The following PODXL variants were observed in gnomAD, a reference collection of about 807,000 sequenced individuals.
PODXL encodes podocalyxin like.
PODXL carries 20 observed loss-of-function variants against 48.9 expected under a neutral mutation model. The observed-to-expected ratio is 0.41, with a 90% confidence interval of 0.29 to 0.59. The LOEUF is 0.59. Among genes scored for constraint, PODXL ranks in the 20% least tolerant of loss-of-function variants. The pLI, the probability that PODXL is intolerant of heterozygous loss-of-function variation, is 0.31. For synonymous variants in PODXL, 295 were observed against 287.4 expected (o/e 1.03, Z -0.27); for missense variants, 606 against 675.1 (o/e 0.90, Z 1.13).
At chr7:131,517,697 T>C (rs893522472) in intron 1 of PODXL, among the ~76,000 whole-genome samples, 129 of 109,018 alleles carry the variant, frequency 1.2e-3, no homozygotes, top group Non-Finnish European at 2.3e-3. Context: ...TGTAGCTGTG[T>C]CACTGTGATC....
At chr7:131,543,279 C>T (rs1050663991) in intron 1 of PODXL, among the ~76,000 whole-genome samples, 2 of 152,046 alleles carry the variant, frequency 1.3e-5, no homozygotes. Flanking sequence ...GTCCATACCA[C>T]CATGCTTGAC....
At chr7:131,508,443 A>T (rs957788498) in intron 5 of PODXL, among the ~76,000 whole-genome samples, 3 of 152,108 alleles carry the variant, frequency 2.0e-5, no homozygotes, top group Admixed American at 6.6e-5. Context: ...TTTCTGTAAA[A>T]ACAGGGTCTT....
At chr7:131,522,724 T>C (rs1310717509) in intron 1 of PODXL, among the ~76,000 whole-genome samples, 1 of 152,254 alleles carries the variant, frequency 6.6e-6, no homozygotes, top group Non-Finnish European at 1.5e-5. Context: ...GACTCACCTA[T>C]TCTAGAGAGT....
At chr7:131,539,734 T>G (rs1480095035) in intron 1 of PODXL, among the ~76,000 whole-genome samples, 3 of 152,214 alleles carry the variant, frequency 2.0e-5, no homozygotes, top group African/African-American at 7.2e-5. Flanking sequence ...GCCGACCCCC[T>G]GCTGTGAGCA....
chr7:131,519,322 A>G (rs1273157253), intron 1 of PODXL, among the ~76,000 whole-genome samples: 1 of 152,120 alleles, frequency 6.6e-6, no homozygotes, highest in African/African-American at 2.4e-5. Flanking sequence ...AGAGACCTTT[A>G]GGTATGGGTG....
At chr7:131,521,633 G>C (rs1360236397) in intron 1 of PODXL, among the ~76,000 whole-genome samples, 1 of 152,154 alleles carries the variant, frequency 6.6e-6, no homozygotes, top group Non-Finnish European at 1.5e-5. Context: ...ACACCCAGCT[G>C]ATTAAAGACA....
intron 1 of PODXL, among the ~76,000 whole-genome samples, chr7:131,520,792 T>G (rs1798079504): frequency 6.6e-6 from 1 of 152,166 alleles, no homozygotes; most frequent in Admixed American, 6.5e-5. Context: ...TTTGTGTTCA[T>G]CAAAAGAAAC....
At chr7:131,550,663 T>A (rs1798653977) in intron 1 of PODXL, among the ~76,000 whole-genome samples, 2 of 151,736 alleles carry the variant, frequency 1.3e-5, no homozygotes, top group South Asian at 4.2e-4. Context: ...AATAAAAAAA[T>A]ATATAAAGGG....
chr7:131,504,371 G>A lies in PODXL; in HGVS notation c.1617C>T (p.Ile539=), dbSNP rs1208006576. ...CCTTGGTCAGGTTGTCCAGAGGGACGATCCAGCTGTCCCCCAGCTCCCCGT... is the reference window on the plus strand; with the variant it reads ...CCTTGGTCAGGTTGTCCAGAGGGACAATCCAGCTGTCCCCCAGCTCCCCGT... ...SLNGELGDSW[I]VPLDNLTKDD... is the part of the protein sequence containing the mutation. Residue 539 remains isoleucine, a synonymous_variant, in exon 9 of 9, where the codon ATC becomes ATT. Coordinates refer to ENST00000378555, the MANE Select transcript of PODXL (RefSeq NM_001018111.3). The A allele has an allele frequency of 7.4e-6, 12 of 1,614,040 alleles. No individual in the cohort carries two copies. The highest frequency in any genetic ancestry group is 2.2e-5 in the South Asian group (2 of 91,092).
At chr7:131,554,677 T>C (rs1798717001) in intron 1 of PODXL, among the ~76,000 whole-genome samples, 1 of 152,152 alleles carries the variant, frequency 6.6e-6, no homozygotes, top group Non-Finnish European at 1.5e-5. Flanking sequence ...TGTCCCACAG[T>C]GCCTCCCACT....
chr7:131,546,084 C>T (rs1336700164), intron 1 of PODXL, among the ~76,000 whole-genome samples: 1 of 152,206 alleles, frequency 6.6e-6, no homozygotes, highest in Non-Finnish European at 1.5e-5. Flanking sequence ...CATGCACCTC[C>T]CCCATGCCCT....
At chr7:131,550,141 G>GAAAT (rs1443675155) in intron 1 of PODXL, among the ~76,000 whole-genome samples, 1 of 152,228 alleles carries the variant, frequency 6.6e-6, no homozygotes, top group East Asian at 1.9e-4. Context: ...AGAGGCTGTG[G>GAAAT]AAATGACAGG....
At chr7:131,540,571 T>C (rs912289591) in intron 1 of PODXL, among the ~76,000 whole-genome samples, 2 of 152,080 alleles carry the variant, frequency 1.3e-5, no homozygotes, top group African/African-American at 4.8e-5. Context: ...ACCTGCAACC[T>C]GTCCCCAGGC....
At chr7:131,520,768 G>A (rs747453425) in intron 1 of PODXL, among the ~76,000 whole-genome samples, 5 of 152,172 alleles carry the variant, frequency 3.3e-5, no homozygotes, top group Non-Finnish European at 5.9e-5. Context: ...TACATTTAGC[G>A]TCAAAGTTAA....
At position 131,508,933 on chromosome 7, in the gene PODXL, G is replaced by C; in HGVS notation, c.1101+18C>G. 1 of 1,592,238 alleles carries C rather than the reference G, an allele frequency of 6.3e-7. No homozygotes were observed. The highest frequency in any genetic ancestry group is 2.2e-5 in the East Asian group (1 of 44,710). ...CTGTGAGCCTGCACCTGGCGGCTCA[G>C]ATCAGCAAGCTACTCACACAGAGGG... On this transcript the variant is annotated intron_variant, in intron 5 of 8. Coordinates refer to ENST00000378555, the MANE Select transcript of PODXL (RefSeq NM_001018111.3).
intron 8 of PODXL, 57 bp downstream of exon 8, chr7:131,505,811 A>T (rs1562901806): frequency 4.8e-6 from 7 of 1,467,390 alleles, no homozygotes; most frequent in African/African-American, 1.4e-5. Flanking sequence ...TCACGAGGGG[A>T]GGGTTCCTCT....
chr7:131,515,262 T>C (rs1797973215), intron 1 of PODXL, among the ~76,000 whole-genome samples: 1 of 152,136 alleles, frequency 6.6e-6, no homozygotes, highest in Admixed American at 6.6e-5. Context: ...CAAGAACACA[T>C]TCAAGGAGTC....
intron 1 of PODXL, among the ~76,000 whole-genome samples, chr7:131,518,179 G>T (rs780385777): frequency 7.2e-5 from 11 of 152,186 alleles, no homozygotes; most frequent in Non-Finnish European, 1.5e-4. Flanking sequence ...AGGTACCAGA[G>T]ATTAGGACCT....
intron 1 of PODXL, among the ~76,000 whole-genome samples, chr7:131,513,663 C>T (rs950096749): frequency 6.6e-6 from 1 of 152,148 alleles, no homozygotes; most frequent in East Asian, 1.9e-4. Flanking sequence ...GGAGTGGTGA[C>T]ATCATGCATG....
Sources: gnomAD v4.1 joint callset for allele counts (sites outside exome capture counted in the v4.1 genomes callset) on GRCh38, gnomAD v4.1.1 for gene constraint, MANE v1.5 for transcripts, NCBI Gene and HGNC (gene_info 2026-07-23, HGNC 2026-07-21) for gene names.